The following PROSER1 variants were observed in gnomAD, a reference collection of about 807,000 sequenced individuals.
PROSER1 encodes proline and serine rich 1, also known as proline and serine-rich protein 1.
A neutral mutation model predicts 71.8 loss-of-function variants in PROSER1; 36 were observed. The ratio of observed to expected loss-of-function variants is 0.50; its 90% CI spans 0.38 to 0.66. The LOEUF is 0.66. PROSER1 is among the 30% of genes least tolerant of loss of function. The pLI, the probability that PROSER1 is intolerant of heterozygous loss-of-function variation, is 0.00. For missense variants in PROSER1, 1,107 were observed against 1,135.0 expected (o/e 0.98, Z 0.35); for synonymous variants, 490 against 452.4 (o/e 1.08, Z -1.06).
intron 1 of PROSER1, 60 bp from the exon 2 acceptor site, chr13:39,034,256 A>C (rs1446483131): frequency 1.5e-6 from 2 of 1,372,904 alleles, no homozygotes; most frequent in Non-Finnish European, 2.0e-6. Context: ...TAAGCAGCAC[A>C]GTAATATACA....
chr13:39,026,140 A>G, intron 6 of PROSER1, 137 bp downstream of exon 6: 1 of 576,506 alleles, frequency 1.7e-6, no homozygotes. Context: ...AAGTTTAGAC[A>G]TGAACTTTCA....
At position 39,024,514 on chromosome 13, in the gene PROSER1, C is replaced by T. The variant is rs1870449984; in HGVS notation, c.523G>A (p.Gly175Ser). 3 of 1,610,088 alleles carry T rather than the reference C, an allele frequency of 1.9e-6. No individual in the cohort carries two copies. The highest frequency in any genetic ancestry group is 2.5e-6 in the Non-Finnish European group (3 of 1,178,132). Reference protein sequence around the residue: ...KKDGEECTNEGKGIAARILGP... With the variant: ...KKDGEECTNESKGIAARILGP... ...AGAATTCGTGCAGCTATTCCTTTGC[C>T]TTCGTTAGTACATTCTTCACCATCT... The change falls in exon 7 of 13, where the codon GGC becomes AGC. Residue 175 changes from glycine to serine, a missense_variant. Physicochemically the swap from Gly to Ser is moderately conservative, Grantham distance 56. Transcript: ENST00000352251.
chr13:39,032,106 G>A (rs990061947), intron 2 of PROSER1, among the ~76,000 whole-genome samples: 5 of 152,158 alleles, frequency 3.3e-5, no homozygotes, highest in Admixed American at 2.0e-4. Flanking sequence ...CTTTCAACAC[G>A]AGGGGAGAAC....
chr13:39,031,475 T>TA, intron 3 of PROSER1, 88 bp downstream of exon 3: 1 of 1,002,366 alleles, frequency 1.0e-6, no homozygotes, highest in Non-Finnish European at 1.5e-6. Context: ...CTAATGCAAA[T>TA]AAATTACAAC....
At chr13:39,012,052 C>A (rs773166128) in intron 12 of PROSER1, 31 bp downstream of exon 12, 13 of 1,602,578 alleles carry the variant, frequency 8.1e-6, no homozygotes, top group African/African-American at 6.7e-5. Flanking sequence ...TACATGTTAC[C>A]ATGTAATTTA....
rs140096490 is a variant in PROSER1, at chr13:39,012,627, A to G, written c.2561+64T>C. ...TTGACATTCATTTTGATGACTTGAA[A>G]TGAAATGTGAACTACAAGTTAGGTG... is the stretch of plus-strand genomic sequence containing the variant. On this transcript the variant is annotated intron_variant, in intron 11 of 12. Coordinates refer to ENST00000352251, the MANE Select transcript of PROSER1 (RefSeq NM_025138.5). 82 of 1,282,538 alleles carry G rather than the reference A, an allele frequency of 6.4e-5. No individual in the cohort carries two copies. The African/African-American group carries it at 9.5e-4, about 15-fold the overall frequency. The allele number at this position is 1,282,538 out of a possible 1,614,324, so 79.4% of individuals were successfully genotyped here.
At position 39,013,384 on chromosome 13, in the gene PROSER1, G is replaced by A. The variant is rs1869790519; in HGVS notation, c.1868C>T (p.Ser623Phe). 1.2e-6 allele frequency: 2 copies of A among 1,614,096 alleles called. No individual in the cohort carries two copies. Among genetic ancestry groups the A allele is most frequent in the African/African-American group, 1.3e-5 (1 of 74,938 alleles). The change falls in exon 11 of 13, where the codon TCT becomes TTT. Residue 623 changes from serine (S) to phenylalanine (F), a missense_variant. Coordinates refer to ENST00000352251, the MANE Select transcript of PROSER1 (RefSeq NM_025138.5). ...GCCATGAGAGGGATTCCCAGAATGAGATGGACCTTTGAAGGCCGAGGGAGT... is the reference window on the plus strand; with the variant it reads ...GCCATGAGAGGGATTCCCAGAATGAAATGGACCTTTGAAGGCCGAGGGAGT... Reference protein sequence around the residue: ...SPTPSAFKGPSHSGNPSHGTL... With the variant: ...SPTPSAFKGPFHSGNPSHGTL...
At position 39,037,292 on chromosome 13, in the gene PROSER1, G is replaced by C; in HGVS notation, c.-50C>G. ...TTAACAGTTATACTTGCAATTAAAA[G>C]ACGTTCATCCCTGGTCTGCTCCGCC... is the stretch of plus-strand genomic sequence containing the variant. On this transcript the variant is annotated 5_prime_UTR_variant, in exon 1 of 13. Transcript: ENST00000352251. The C allele has an allele frequency of 7.4e-6, 10 of 1,351,096 alleles. No individual in the cohort carries two copies. Among genetic ancestry groups the C allele is most frequent in the Non-Finnish European group, 1.1e-5 (10 of 940,316 alleles). The allele number at this position is 1,351,096 out of a possible 1,614,324, so 83.7% of individuals were successfully genotyped here. A position where few individuals can be genotyped will look rare whatever the true frequency, so the allele number is the denominator to read the frequency against.
At position 39,014,110 on chromosome 13, in the gene PROSER1, G is replaced by C; in HGVS notation, c.1142C>G (p.Thr381Ser). ...AGTGGACCGTGGTGTAGGTCCTGGGGTAGGAGTGGCTGCGGTAGGAGTGGC... is the reference window on the plus strand; with the variant it reads ...AGTGGACCGTGGTGTAGGTCCTGGGCTAGGAGTGGCTGCGGTAGGAGTGGC... ...PSATPTAATP[T>S]PGPTPRSTLG... Residue 381 changes from threonine (T) to serine (S), a missense_variant, in exon 11 of 13, where the codon ACC becomes AGC. Physicochemically the swap from Thr to Ser is moderately conservative, Grantham distance 58 (BLOSUM62 1). Coordinates refer to ENST00000352251, the MANE Select transcript of PROSER1 (RefSeq NM_025138.5). 1 of 1,614,092 alleles carries C rather than the reference G, an allele frequency of 6.2e-7. No homozygotes were observed. The highest frequency in any genetic ancestry group is 8.5e-7 in the Non-Finnish European group (1 of 1,180,012).
At chr13:39,026,515 T>C (rs1489855821) in intron 5 of PROSER1, 128 bp from the exon 6 acceptor site, 8 of 551,524 alleles carry the variant, frequency 1.5e-5, no homozygotes, top group Non-Finnish European at 2.5e-5. Flanking sequence ...TCATACATAA[T>C]TCAGCACTTA....
intron 8 of PROSER1, chr13:39,022,671 G>A: frequency 2.3e-6 from 1 of 437,836 alleles, no homozygotes; most frequent in Non-Finnish European, 4.1e-6. Flanking sequence ...ATGGCAGGCA[G>A]AACCTGCTAT....
chr13:39,022,355 G>A lies in PROSER1; in HGVS notation c.701C>T (p.Pro234Leu). Residue 234 changes from proline to leucine, a missense_variant, in exon 9 of 13, where the codon CCT becomes CTT. Coordinates refer to ENST00000352251, the MANE Select transcript of PROSER1 (RefSeq NM_025138.5). ...PLANVIAPPP[P>L]PYTPNPVGTE... Reference sequence around the variant, plus strand: ...TCCTACAGGATTAGGAGTATATGGAGGTGGAGGTGGAGCTATGACATTCGC... The same window carrying A: ...TCCTACAGGATTAGGAGTATATGGAAGTGGAGGTGGAGCTATGACATTCGC... 1.2e-6 allele frequency: 2 copies of A among 1,611,730 alleles called. No individual in the cohort carries two copies. Among genetic ancestry groups the A allele is most frequent in the Non-Finnish European group, 1.7e-6 (2 of 1,177,896 alleles).
At chr13:39,031,866 A>T (rs1870862019) in intron 2 of PROSER1, among the ~76,000 whole-genome samples, 4 of 152,236 alleles carry the variant, frequency 2.6e-5, no homozygotes, top group Admixed American at 2.0e-4. Context: ...GCTACATTTC[A>T]AGTGCTCCAG....
intron 3 of PROSER1, among the ~76,000 whole-genome samples, chr13:39,030,311 C>T (rs931880020): frequency 1.3e-5 from 2 of 152,090 alleles, no homozygotes; most frequent in South Asian, 2.1e-4. Context: ...ACTCAACTGG[C>T]GAAATCAGTC....
chr13:39,026,536 T>G, intron 5 of PROSER1, 149 bp from the exon 6 acceptor site: 1 of 502,468 alleles, frequency 2.0e-6, no homozygotes. Flanking sequence ...CAGTGGTGAA[T>G]GTGACCAAAA....
At chr13:39,031,753 A>C (rs866894266) in intron 2 of PROSER1, 122 bp from the exon 3 acceptor site, 1 of 749,820 alleles carries the variant, frequency 1.3e-6, no homozygotes, top group Non-Finnish European at 2.3e-6. Context: ...AGGTGGCATT[A>C]AAGTTTAAAA....
At chr13:39,011,569 G>T in intron 12 of PROSER1, 82 bp from the exon 13 acceptor site, 1 of 1,388,126 alleles carries the variant, frequency 7.2e-7, no homozygotes, top group Non-Finnish European at 9.9e-7. Flanking sequence ...GCCACACAGA[G>T]ATATTCAGAA....
chr13:39,017,821 T>A (rs1286996702), intron 9 of PROSER1: 1 of 306,852 alleles, frequency 3.3e-6, no homozygotes, highest in Admixed American at 5.3e-5. Flanking sequence ...GCTTGTCAAG[T>A]TTTAAATACA....
chr13:39,019,271 G>A (rs563422441), intron 9 of PROSER1, among the ~76,000 whole-genome samples: 6 of 151,506 alleles, frequency 4.0e-5, no homozygotes, highest in African/African-American at 1.2e-4. Flanking sequence ...GGAGGCCGAG[G>A]TAGGCAGATC....
Sources: gnomAD v4.1 joint callset for allele counts (sites outside exome capture counted in the v4.1 genomes callset) on GRCh38, gnomAD v4.1.1 for gene constraint, MANE v1.5 for transcripts, NCBI Gene and HGNC (gene_info 2026-07-23, HGNC 2026-07-21) for gene names.